Variants in PLXDC2 observed in about 807,000 individuals in gnomAD.
PLXDC2 encodes the protein plexin domain-containing protein 2.
In PLXDC2, 40 loss-of-function variants were observed where a neutral mutation model predicts 68.9. The ratio of observed to expected loss-of-function variants is 0.58; its 90% CI spans 0.45 to 0.76. The LOEUF (loss-of-function observed/expected upper bound fraction) is 0.76, where lower values mean the gene tolerates loss of function less well. Ranked by LOEUF, PLXDC2 falls within the 30% of genes least tolerant of loss-of-function variation. The pLI, the probability that PLXDC2 is intolerant of heterozygous loss-of-function variation, is 0.00. For synonymous variants in PLXDC2, 243 were observed against 234.2 expected (o/e 1.04, Z -0.34); for missense variants, 644 against 661.9 (o/e 0.97, Z 0.30).
intron 12 of PLXDC2, among the ~76,000 whole-genome samples, chr10:20,236,332 C>T (rs953865545): frequency 3.3e-5 from 5 of 151,952 alleles, no homozygotes; most frequent in Admixed American, 6.6e-5. Context: ...AAAGTCCCAG[C>T]TACTTGGGAG....
intron 1 of PLXDC2, among the ~76,000 whole-genome samples, chr10:19,980,821 T>C (rs550622862): frequency 1.2e-4 from 19 of 152,254 alleles, no homozygotes; most frequent in Admixed American, 1.1e-3. Flanking sequence ...TCCCCAAATA[T>C]AGCCAAACTG....
At chr10:20,181,253 C>G (rs1357039340) in intron 9 of PLXDC2, among the ~76,000 whole-genome samples, 1 of 151,934 alleles carries the variant, frequency 6.6e-6, no homozygotes, top group Non-Finnish European at 1.5e-5. Flanking sequence ...GTTCTTTGCA[C>G]TTAAAGTATT....
intron 1 of PLXDC2, among the ~76,000 whole-genome samples, chr10:19,988,847 G>A (rs1381046904): frequency 8.1e-6 from 1 of 124,216 alleles, no homozygotes; most frequent in African/African-American, 3.1e-5. Context: ...TCAGGCTGGA[G>A]TGCAATGGCG....
chr10:20,181,426 A>G (rs1400247037), intron 9 of PLXDC2, among the ~76,000 whole-genome samples: 1 of 152,058 alleles, frequency 6.6e-6, no homozygotes, highest in Non-Finnish European at 1.5e-5. Context: ...TAATGAATTA[A>G]TAATTAGGCA....
rs1833354317 is a variant in PLXDC2, at chr10:19,915,770, G to C, written c.113-86005G>C. The stretch of plus-strand genomic sequence containing the variant: ...TCCAAGGTTTTAGGTATGATAAGAG[G>C]GTGGACTAAGGCAAAATATGCTTGC... On this transcript the variant is annotated intron_variant, in intron 1 of 13. Transcript: ENST00000377252. Among the ~76,000 whole-genome samples, 2 of 151,880 alleles carry C rather than the reference G, an allele frequency of 1.3e-5. 1 individual carries two copies. Among genetic ancestry groups the C allele is most frequent in the African/African-American group, 4.8e-5 (2 of 41,334 alleles).
intron 4 of PLXDC2, among the ~76,000 whole-genome samples, chr10:20,123,615 G>A (rs1833729511): frequency 6.6e-6 from 1 of 152,022 alleles, no homozygotes; most frequent in South Asian, 2.1e-4. Context: ...GGAGAAGAAG[G>A]AGGAATGGAG....
intron 4 of PLXDC2, among the ~76,000 whole-genome samples, chr10:20,111,661 G>A (rs900642920): frequency 6.6e-6 from 1 of 152,124 alleles, no homozygotes; most frequent in African/African-American, 2.4e-5. Flanking sequence ...AACTAGTTAA[G>A]GATGACCAAA....
At chr10:20,219,392 G>A (rs1187761187) in intron 12 of PLXDC2, among the ~76,000 whole-genome samples, 1 of 152,038 alleles carries the variant, frequency 6.6e-6, no homozygotes, top group Non-Finnish European at 1.5e-5. Context: ...GTATTATAGT[G>A]GTGTGTAGTT....
intron 1 of PLXDC2, among the ~76,000 whole-genome samples, chr10:19,975,786 T>C (rs1352844574): frequency 6.6e-6 from 1 of 152,164 alleles, no homozygotes; most frequent in Non-Finnish European, 1.5e-5. Flanking sequence ...GGTGGATTAC[T>C]TGAGGTCAGG....
intron 2 of PLXDC2, among the ~76,000 whole-genome samples, chr10:20,030,532 C>T (rs569167210): frequency 1.3e-5 from 2 of 152,316 alleles, no homozygotes; most frequent in South Asian, 4.1e-4. Context: ...GGAGATGCAG[C>T]AGCCTCTGTT....
intron 1 of PLXDC2, among the ~76,000 whole-genome samples, chr10:19,975,617 T>C (rs1368487223): frequency 6.6e-6 from 1 of 152,244 alleles, no homozygotes; most frequent in Non-Finnish European, 1.5e-5. Flanking sequence ...TATTTAGAGC[T>C]GAGAAGTTTC....
At chr10:20,118,267 G>T (rs186248496) in intron 4 of PLXDC2, among the ~76,000 whole-genome samples, 1 of 152,252 alleles carries the variant, frequency 6.6e-6, no homozygotes, top group East Asian at 1.9e-4. Flanking sequence ...CATATTGGAA[G>T]TACAAAGAGT....
chr10:20,058,703 TA>T (rs1329501905), intron 3 of PLXDC2, among the ~76,000 whole-genome samples: 2 of 152,292 alleles, frequency 1.3e-5, no homozygotes, highest in East Asian at 1.9e-4. Context: ...AAACACAAAA[TA>T]TTTTTTTGTC....
At chr10:20,035,887 T>G (rs1232872757) in intron 2 of PLXDC2, among the ~76,000 whole-genome samples, 1 of 152,110 alleles carries the variant, frequency 6.6e-6, no homozygotes, top group Non-Finnish European at 1.5e-5. Flanking sequence ...TTTTTAGAAG[T>G]TGATTCTGAG....
chr10:20,128,765 G>T (rs1337188622), intron 4 of PLXDC2, among the ~76,000 whole-genome samples: 7 of 152,000 alleles, frequency 4.6e-5, no homozygotes, highest in Non-Finnish European at 8.8e-5. Flanking sequence ...CCAGCTTATT[G>T]CACATAACAT....
chr10:19,821,406 C>T (rs11011636), intron 1 of PLXDC2, among the ~76,000 whole-genome samples: 10,112 of 152,294 alleles, frequency 0.066, 453 homozygotes, highest in African/African-American at 0.12. Context: ...GACGTGTTGT[C>T]TTAGAATTCT....
chr10:20,019,974 A>G (rs1835276989), intron 2 of PLXDC2, among the ~76,000 whole-genome samples: 2 of 152,054 alleles, frequency 1.3e-5, no homozygotes, highest in Admixed American at 6.5e-5. Context: ...AGTGTAGGGT[A>G]CTTTTTAAAA....
intron 1 of PLXDC2, among the ~76,000 whole-genome samples, chr10:19,867,433 T>A (rs1032809567): frequency 3.3e-5 from 5 of 152,024 alleles, no homozygotes; most frequent in Non-Finnish European, 7.4e-5. Flanking sequence ...GATCTGTATT[T>A]CTGTAGAACG....
intron 1 of PLXDC2, among the ~76,000 whole-genome samples, chr10:19,848,908 A>G (rs1179785774): frequency 6.6e-6 from 1 of 152,168 alleles, no homozygotes; most frequent in African/African-American, 2.4e-5. Flanking sequence ...TTGCTACAAC[A>G]TTGAGCAATG....
Sources: gnomAD v4.1 joint callset for allele counts (sites outside exome capture counted in the v4.1 genomes callset) on GRCh38, gnomAD v4.1.1 for gene constraint, MANE v1.5 for transcripts, NCBI Gene and HGNC (gene_info 2026-07-23, HGNC 2026-07-21) for gene names.